The following CSMD1 variants were observed in gnomAD, a reference collection of about 807,000 sequenced individuals.
The protein encoded by CSMD1 is CUB and Sushi multiple domains 1, also known as CUB and sushi domain-containing protein 1.
A neutral mutation model predicts 417.5 loss-of-function variants in CSMD1; 213 were observed. The observed-to-expected ratio is 0.51, with a 90% confidence interval of 0.46 to 0.57. CSMD1 has a LOEUF of 0.57. Among genes scored for constraint, CSMD1 ranks in the 20% least tolerant of loss-of-function variants. The probability of loss-of-function intolerance (pLI) is 0.00; values close to 1 mark genes in which losing one functional copy is unlikely to be tolerated. For missense variants in CSMD1, 6,923 were observed against 4,529.7 expected, an observed-to-expected ratio of 1.53 and a Z score of -15.17; for synonymous variants, 2,862 against 1,736.8, an observed-to-expected ratio of 1.65 and a Z score of -16.11.
chr8:4,299,262 A>G (rs1310651990), intron 3 of CSMD1, among the ~76,000 whole-genome samples: 1 of 152,178 alleles, frequency 6.6e-6, no homozygotes, highest in Non-Finnish European at 1.5e-5. Flanking sequence ...TAAATTTAAA[A>G]CCGTCGGATA....
intron 1 of CSMD1, among the ~76,000 whole-genome samples, chr8:4,798,849 G>A (rs888626051): frequency 6.6e-6 from 1 of 152,172 alleles, no homozygotes; most frequent in Non-Finnish European, 1.5e-5. Context: ...TATAACCTCT[G>A]TATATCACAG....
intron 38 of CSMD1, among the ~76,000 whole-genome samples, chr8:3,159,764 G>C (rs1422005450): frequency 1.3e-5 from 2 of 152,200 alleles, no homozygotes; most frequent in Admixed American, 6.5e-5. Flanking sequence ...TGCTGGGACT[G>C]TGCAGAAGTG....
intron 5 of CSMD1, among the ~76,000 whole-genome samples, chr8:3,761,053 C>G (rs1039273449): frequency 4.8e-4 from 73 of 152,008 alleles, no homozygotes; most frequent in African/African-American, 1.7e-3. Context: ...ATAGAACAAC[C>G]TGATCAAACA....
At chr8:4,741,590 G>C (rs949937189) in intron 1 of CSMD1, among the ~76,000 whole-genome samples, 3 of 152,148 alleles carry the variant, frequency 2.0e-5, no homozygotes, top group Admixed American at 6.5e-5. Context: ...TGTGTCTCGA[G>C]GCTTGGACAA....
chr8:3,362,559 A>C (rs1472257186), intron 20 of CSMD1, among the ~76,000 whole-genome samples: 1 of 152,174 alleles, frequency 6.6e-6, no homozygotes, highest in Non-Finnish European at 1.5e-5. Flanking sequence ...CCATGTGTTG[A>C]AATTAATTCT....
intron 5 of CSMD1, among the ~76,000 whole-genome samples, chr8:3,806,080 G>C (rs538469786): frequency 6.6e-6 from 1 of 152,044 alleles, no homozygotes; most frequent in Admixed American, 6.6e-5. Context: ...AAAAATTGTT[G>C]GTTTAGTGGT....
At chr8:3,729,962 CAAA>C (rs1212260502) in intron 6 of CSMD1, among the ~76,000 whole-genome samples, 2 of 9,456 alleles carry the variant, frequency 2.1e-4, no homozygotes, top group Non-Finnish European at 7.9e-4. Context: ...AAAAAAAAAA[CAAA>C]AACAGAAGAA....
chr8:4,910,555 T>C (rs1349967231), intron 1 of CSMD1, among the ~76,000 whole-genome samples: 1 of 152,186 alleles, frequency 6.6e-6, no homozygotes, highest in African/African-American at 2.4e-5. Flanking sequence ...AGCTTTTTTA[T>C]AGACGCTAAT....
At position 4,224,383 on chromosome 8, in the gene CSMD1, T is replaced by C. The variant is rs374822030; in HGVS notation, c.416-192284A>G. On this transcript the variant is annotated intron_variant, in intron 3 of 69. Coordinates refer to ENST00000635120, the MANE Select transcript of CSMD1 (RefSeq NM_033225.6). Reference sequence around the variant, plus strand: ...TGTTGCGCAACAGCACATATTTTGATGCCAATTCAACTTCAGAAAGTCATA... The same window carrying C: ...TGTTGCGCAACAGCACATATTTTGACGCCAATTCAACTTCAGAAAGTCATA... 9.8e-5 allele frequency among the ~76,000 whole-genome samples: 15 copies of C among 152,306 alleles called. No individual in the cohort carries two copies. In the South Asian group the frequency reaches 2.5e-3, roughly 25 times the overall value.
At chr8:4,415,153 C>A (rs985262145) in intron 3 of CSMD1, among the ~76,000 whole-genome samples, 2 of 152,040 alleles carry the variant, frequency 1.3e-5, no homozygotes, top group African/African-American at 4.8e-5. Flanking sequence ...TCAGATAGGG[C>A]AGAAAGGCTC....
intron 3 of CSMD1, among the ~76,000 whole-genome samples, chr8:4,212,235 C>G (rs2131291007): frequency 6.6e-6 from 1 of 150,784 alleles, no homozygotes; most frequent in East Asian, 2.0e-4. Context: ...TATACCTTAG[C>G]TAATTTTGCA....
At chr8:4,833,740 C>A (rs1045114429) in intron 1 of CSMD1, among the ~76,000 whole-genome samples, 4 of 152,276 alleles carry the variant, frequency 2.6e-5, no homozygotes, top group South Asian at 2.1e-4. Flanking sequence ...TAAAGAAACT[C>A]CTGATTTACA....
chr8:3,410,176 A>G (rs1009271686), intron 12 of CSMD1, among the ~76,000 whole-genome samples: 2 of 152,244 alleles, frequency 1.3e-5, no homozygotes, highest in African/African-American at 4.8e-5. Flanking sequence ...GCGTCCAAAT[A>G]CACCAAACCT....
chr8:4,400,151 C>T (rs1390308082), intron 3 of CSMD1, among the ~76,000 whole-genome samples: 2 of 152,084 alleles, frequency 1.3e-5, no homozygotes, highest in Non-Finnish European at 2.9e-5. Flanking sequence ...GAAAATATAG[C>T]TGTGGTTAGG....
At chr8:4,224,574 G>C (rs997309943) in intron 3 of CSMD1, among the ~76,000 whole-genome samples, 1 of 152,172 alleles carries the variant, frequency 6.6e-6, no homozygotes, top group Non-Finnish European at 1.5e-5. Flanking sequence ...CGGTGCTTCA[G>C]TGGTGCCTCC....
At chr8:4,035,749 G>T (rs747553477) in intron 3 of CSMD1, among the ~76,000 whole-genome samples, 2 of 152,126 alleles carry the variant, frequency 1.3e-5, no homozygotes, top group Non-Finnish European at 2.9e-5. Flanking sequence ...AAATGAAAAA[G>T]AAGTTTATGA....
chr8:3,761,432 C>G (rs1018946939), intron 5 of CSMD1, among the ~76,000 whole-genome samples: 1 of 151,664 alleles, frequency 6.6e-6, no homozygotes, highest in South Asian at 2.1e-4. Context: ...ATAAAAAAAC[C>G]CATATGGTAT....
intron 4 of CSMD1, among the ~76,000 whole-genome samples, chr8:4,003,441 G>A (rs183115521): frequency 4.1e-4 from 51 of 123,076 alleles, no homozygotes; most frequent in Non-Finnish European, 7.3e-4. Flanking sequence ...TAAATAAATA[G>A]ATAAGTAAAT....
chr8:3,330,986 C>A (rs987319010), intron 23 of CSMD1, among the ~76,000 whole-genome samples: 1 of 152,096 alleles, frequency 6.6e-6, no homozygotes, highest in African/African-American at 2.4e-5. Context: ...CGCGGTGGCT[C>A]ACGCCTGTAA....
Sources: allele counts gnomAD v4.1 joint callset (sites outside exome capture counted in the v4.1 genomes callset), GRCh38; gene constraint gnomAD v4.1.1; transcripts MANE v1.5; gene names NCBI Gene and HGNC (gene_info 2026-07-23, HGNC 2026-07-21).